The following CALN1 variants were observed in gnomAD, a reference collection of about 807,000 sequenced individuals.
CALN1 encodes the protein calcium-binding protein 8.
Under a neutral mutation model 30.6 loss-of-function variants are expected in CALN1, and 17 were observed. That is an observed-to-expected ratio of 0.56 (90% CI 0.38 to 0.83). The LOEUF (loss-of-function observed/expected upper bound fraction) is 0.83. Ranked by LOEUF, CALN1 falls within the 40% of genes least tolerant of loss-of-function variation. CALN1 has a pLI of 0.00. For synonymous variants in CALN1, 156 were observed against 131.4 expected, an observed-to-expected ratio of 1.19 and a Z score of -1.28; for missense variants, 291 against 354.9, an observed-to-expected ratio of 0.82 and a Z score of 1.45.
intron 5 of CALN1, among the ~76,000 whole-genome samples, chr7:71,870,980 T>C (rs57182240): frequency 0.25 from 37,448 of 151,964 alleles, 4,961 homozygotes; most frequent in African/African-American, 0.32. Context: ...TTTCTCCTTC[T>C]GTTTTGGGGA....
chr7:72,130,940 T>A (rs62462820), intron 3 of CALN1, among the ~76,000 whole-genome samples: 41,376 of 152,118 alleles, frequency 0.27, 6,328 homozygotes, highest in Non-Finnish European at 0.35. Context: ...ATCAAAGAGC[T>A]TGTCTCAATC....
chr7:72,158,517 T>C (rs1787879724), intron 3 of CALN1, among the ~76,000 whole-genome samples: 1 of 152,186 alleles, frequency 6.6e-6, no homozygotes, highest in South Asian at 2.1e-4. Flanking sequence ...AGAAACTCAC[T>C]TTCACAGCCT....
At chr7:72,063,147 A>G (rs1803780439) in intron 4 of CALN1, among the ~76,000 whole-genome samples, 2 of 152,190 alleles carry the variant, frequency 1.3e-5, no homozygotes, top group Admixed American at 1.3e-4. Flanking sequence ...GCTGTTCTTG[A>G]GCTGTATCTT....
At chr7:72,208,236 G>C (rs510451) in intron 3 of CALN1, among the ~76,000 whole-genome samples, 1,546 of 152,246 alleles carry the variant, frequency 0.01, 23 homozygotes, top group African/African-American at 0.035. Context: ...AAGTCACCTG[G>C]TTTTATGATA....
At chr7:72,257,036 A>C (rs766225446) in intron 3 of CALN1, among the ~76,000 whole-genome samples, 11 of 152,310 alleles carry the variant, frequency 7.2e-5, no homozygotes, top group Non-Finnish European at 1.5e-4. Context: ...AATAGGTTTA[A>C]TTGACTCACA....
the CALN1 span, among the ~76,000 whole-genome samples, chr7:72,452,850 C>T: frequency 6.6e-6 from 1 of 152,106 alleles, no homozygotes. Flanking sequence ...TCCCATTGCC[C>T]CTCAGCTCCA....
intron 3 of CALN1, among the ~76,000 whole-genome samples, chr7:72,254,305 A>G (rs1795765108): frequency 6.6e-6 from 1 of 152,208 alleles, no homozygotes; most frequent in Non-Finnish European, 1.5e-5. Flanking sequence ...TTTGTTGCAC[A>G]TAATTTGCTC....
At chr7:72,024,454 A>G (rs1360035839) in intron 4 of CALN1, among the ~76,000 whole-genome samples, 1 of 152,142 alleles carries the variant, frequency 6.6e-6, no homozygotes, top group African/African-American at 2.4e-5. Context: ...GCTGGAGTGC[A>G]ATGGCGTGAT....
chr7:72,317,037 G>A (rs1365370613), intron 2 of CALN1, among the ~76,000 whole-genome samples: 1 of 138,926 alleles, frequency 7.2e-6, no homozygotes, highest in Non-Finnish European at 1.5e-5. Context: ...GAGGAGGAGG[G>A]AAGAGAGAGA....
At chr7:72,337,063 C>CCCGCTGG (rs1802111756) in intron 2 of CALN1, 1 of 985,594 alleles carries the variant, frequency 1.0e-6, no homozygotes, top group Non-Finnish European at 1.2e-6. Flanking sequence ...CCCTCCCGCT[C>CCCGCTGG]CCGCTGGCCG....
At chr7:72,426,464 A>G (rs1281374849) in intron 1 of CALN1, among the ~76,000 whole-genome samples, 1 of 152,180 alleles carries the variant, frequency 6.6e-6, no homozygotes, top group Admixed American at 6.5e-5. Flanking sequence ...TCCTGCTGCC[A>G]TGTGAAGGAC....
intron 2 of CALN1, among the ~76,000 whole-genome samples, chr7:72,319,820 G>C (rs1800746567): frequency 6.6e-6 from 1 of 152,134 alleles, no homozygotes; most frequent in South Asian, 2.1e-4. Context: ...CGGACATAGA[G>C]AGTGGAAACA....
chr7:71,987,006 A>T (rs1562957835), intron 5 of CALN1, among the ~76,000 whole-genome samples: 1 of 151,976 alleles, frequency 6.6e-6, no homozygotes, highest in African/African-American at 2.4e-5. Context: ...TACGCCTGTA[A>T]TCCCAGCTAC....
upstream of CALN1, among the ~76,000 whole-genome samples, chr7:72,450,352 G>T (rs1808635277): frequency 6.6e-6 from 1 of 152,134 alleles, no homozygotes. Flanking sequence ...TGTAAGTGGG[G>T]GATGTACACC....
At chr7:72,278,594 C>G (rs958084517) in intron 3 of CALN1, 92 bp downstream of exon 3, 1 of 1,546,096 alleles carries the variant, frequency 6.5e-7, no homozygotes, top group Non-Finnish European at 8.8e-7. Context: ...CAAGGAGTGG[C>G]CAAAGTCCAG....
intron 3 of CALN1, among the ~76,000 whole-genome samples, chr7:72,145,493 A>T (rs1278940476): frequency 6.6e-6 from 1 of 152,154 alleles, no homozygotes; most frequent in African/African-American, 2.4e-5. Flanking sequence ...CCTACCAACC[A>T]AAAAAAGTCC....
intron 5 of CALN1, among the ~76,000 whole-genome samples, chr7:71,989,295 G>A (rs1317503344): frequency 6.6e-6 from 1 of 152,114 alleles, no homozygotes; most frequent in African/African-American, 2.4e-5. Flanking sequence ...AAAATTAGCT[G>A]GGCGTGATGG....
intron 4 of CALN1, among the ~76,000 whole-genome samples, chr7:72,100,961 T>G (rs1806617411): frequency 6.6e-6 from 1 of 152,018 alleles, no homozygotes; most frequent in Admixed American, 6.6e-5. Context: ...CTAGGATTTT[T>G]GTTTGTTTTG....
At chr7:71,977,757 C>T (rs1045762250) in intron 5 of CALN1, among the ~76,000 whole-genome samples, 2 of 151,946 alleles carry the variant, frequency 1.3e-5, no homozygotes, top group East Asian at 3.9e-4. Flanking sequence ...CATGGTGAAA[C>T]CCCATCTCTA....
Sources: gnomAD v4.1 joint callset for allele counts (sites outside exome capture counted in the v4.1 genomes callset) on GRCh38, gnomAD v4.1.1 for gene constraint, MANE v1.5 for transcripts, NCBI Gene and HGNC (gene_info 2026-07-23, HGNC 2026-07-21) for gene names.